Variants in DNAH17 observed in about 807,000 individuals in gnomAD.
DNAH17 encodes the protein dynein axonemal heavy chain 17, also known as axonemal beta dynein heavy chain 17.
A neutral mutation model predicts 485.6 loss-of-function variants in DNAH17; 376 were observed. The ratio of observed to expected loss-of-function variants is 0.77; its 90% CI spans 0.71 to 0.84. The LOEUF (loss-of-function observed/expected upper bound fraction) is 0.84, where lower values mean the gene tolerates loss of function less well. Ranked by LOEUF, DNAH17 falls within the 40% of genes least tolerant of loss-of-function variation. The pLI, the probability that DNAH17 is intolerant of heterozygous loss-of-function variation, is 0.00. For missense variants in DNAH17, 6,370 were observed against 5,839.3 expected (o/e 1.09, Z -2.96); for synonymous variants, 3,031 against 2,405.9 (o/e 1.26, Z -7.60).
chr17:78,439,930 A>G (rs996076824), intron 72 of DNAH17, among the ~76,000 whole-genome samples: 2 of 151,884 alleles, frequency 1.3e-5, no homozygotes, highest in African/African-American at 4.8e-5. Flanking sequence ...TTGGCCTCCC[A>G]AAGTGCTGGG....
At chr17:78,491,765 C>G (rs1009478070) in intron 42 of DNAH17, among the ~76,000 whole-genome samples, 195 bp from the exon 43 acceptor site, 1 of 152,188 alleles carries the variant, frequency 6.6e-6, no homozygotes, top group Non-Finnish European at 1.5e-5. Context: ...CGTGCCCTCT[C>G]CATGCCTGAG....
Position 78,544,119 on chromosome 17 carries a change from A to C in DNAH17, c.2392-122T>G, listed in dbSNP as rs1040114218. On this transcript the variant is annotated intron_variant, in intron 16 of 80. Transcript: ENST00000389840. The stretch of plus-strand genomic sequence containing the variant: ...GCTGCCTGATCTTGGATTGGAGTCT[A>C]GTTCTCCACGATCCATGCCCATCAG... 5.8e-6 allele frequency: 8 copies of C among 1,385,862 alleles called. No homozygotes were observed. In the Admixed American group the frequency reaches 1.6e-4, roughly 28 times the overall value. The allele number at this position is 1,385,862 out of a possible 1,614,324, so 85.8% of individuals were successfully genotyped here.
intron 16 of DNAH17, among the ~76,000 whole-genome samples, chr17:78,549,464 ACTT>A (rs2091851093): frequency 6.6e-6 from 1 of 152,180 alleles, no homozygotes; most frequent in South Asian, 2.1e-4. Flanking sequence ...GCAGAGGTGA[ACTT>A]CTTCAAAACT....
chr17:78,449,184 C>T (rs747134127), intron 69 of DNAH17, among the ~76,000 whole-genome samples: 21 of 152,178 alleles, frequency 1.4e-4, no homozygotes, highest in Non-Finnish European at 2.1e-4. Context: ...TTCACTAGCT[C>T]CCATTGGAAT....
intron 37 of DNAH17, among the ~76,000 whole-genome samples, 156 bp from the exon 38 acceptor site, chr17:78,496,188 G>A (rs552050039): frequency 1.4e-4 from 21 of 152,164 alleles, no homozygotes; most frequent in South Asian, 4.1e-4. Context: ...TTATTTTTGA[G>A]AAAGTTGTAG....
rs940524953 is a variant in DNAH17, at chr17:78,441,209, G to A, written c.11529-10C>T. On this transcript the variant is annotated splice_polypyrimidine_tract_variant and intron_variant, in intron 71 of 80. Transcript: ENST00000389840. ...TTCCTCCACGAAGTTCCTAGGGGTG[G>A]AGTGCATCAGAGGCAGCGGAACCTG... The A allele has an allele frequency of 1.9e-6, 3 of 1,613,512 alleles. No individual in the cohort carries two copies. Among genetic ancestry groups the A allele is most frequent in the Non-Finnish European group, 2.5e-6 (3 of 1,179,736 alleles).
chr17:78,466,588 C>G, intron 56 of DNAH17, 67 bp downstream of exon 56: 1 of 1,449,752 alleles, frequency 6.9e-7, no homozygotes, highest in African/African-American at 1.5e-5. Flanking sequence ...TCCCAGGGAG[C>G]CAGCCCTTGG....
Position 78,428,554 on chromosome 17 carries a change from C to G in DNAH17, c.12559G>C (p.Ala4187Pro). ...TCCTCGCGGGACACTCCCGTGCCTGCCCCCGAGTCCGTCTCTTTTGGCTGC... is the reference window on the plus strand; with the variant it reads ...TCCTCGCGGGACACTCCCGTGCCTGGCCCCGAGTCCGTCTCTTTTGGCTGC... ...EMQPKETDSG[A>P]GTGVSREEKV... The change falls in exon 77 of 81, where the codon GCA becomes CCA. Residue 4187 changes from alanine to proline, a missense_variant. Transcript: ENST00000389840. 18 of 1,612,020 alleles carry G rather than the reference C, an allele frequency of 1.1e-5. No homozygotes were observed. Among genetic ancestry groups the G allele is most frequent in the Non-Finnish European group, 1.4e-5 (16 of 1,179,080 alleles).
Position 78,475,682 on chromosome 17 carries a change from G to T in DNAH17, c.8306C>A (p.Ala2769Glu), listed in dbSNP as rs887312416. The T allele has an allele frequency of 1.2e-6, 2 of 1,613,614 alleles. No individual in the cohort carries two copies. The highest frequency in any genetic ancestry group is 1.7e-6 in the Non-Finnish European group (2 of 1,179,822). Reference sequence around the variant, plus strand: ...CAGCCTGCTCACCAAATTCATGACTGCATTAACTTCATTGTAGCTGTCCAG... The same window carrying T: ...CAGCCTGCTCACCAAATTCATGACTTCATTAACTTCATTGTAGCTGTCCAG... ...DVLDSYNEVN[A>E]VMNLVLFEDA... Residue 2769 changes from alanine (A) to glutamate (E), a missense_variant, in exon 53 of 81, where the codon GCA (alanine) becomes GAA (glutamate). By Grantham distance (107) the Ala-to-Glu change is moderately radical. Coordinates refer to ENST00000389840, the MANE Select transcript of DNAH17 (RefSeq NM_173628.4).
intron 11 of DNAH17, among the ~76,000 whole-genome samples, chr17:78,563,444 T>C (rs541246900): frequency 1.3e-4 from 20 of 152,078 alleles, no homozygotes; most frequent in African/African-American, 4.1e-4. Context: ...TATCCTGTAA[T>C]GCGGGTAGAT....
rs371616763 is a variant in DNAH17 at position 78,564,367 on chromosome 17, T to C, written c.1569+2247A>G. Among the ~76,000 whole-genome samples the C allele has an allele frequency of 5.8e-3, 819 of 142,400 alleles. 8 individuals carry two copies. The highest frequency in any genetic ancestry group is 0.025 in the African/African-American group (794 of 32,348). The allele number at this position is 142,400 out of a possible 152,430, so 93.4% of individuals were successfully genotyped here. ...CTGGCCGGGTGACCAAGTTACTTAA[T>C]TTTTCAGATTTTTCCACATCGGAAC... On this transcript the variant is annotated intron_variant, in intron 11 of 80. Coordinates refer to ENST00000389840, the MANE Select transcript of DNAH17 (RefSeq NM_173628.4).
In DNAH17 at chr17:78,426,554, A is replaced by G. The variant is rs138918221; in HGVS notation, c.12818T>C (p.Leu4273Pro). ...CGTATCAGGCACGGTGTCATAGAAGAGAGCCGTGGACAGATCTTCCACGTC... is the reference window on the plus strand; with the variant it reads ...CGTATCAGGCACGGTGTCATAGAAGGGAGCCGTGGACAGATCTTCCACGTC... The part of the protein sequence containing the change: ...TTDVEDLSTA[L>P]FYDTVPDTWV... Residue 4273 changes from leucine to proline, a missense_variant, in exon 79 of 81, where the codon CTC (leucine) becomes CCC (proline). Leu to Pro is a moderately conservative substitution (Grantham distance 98, BLOSUM62 -3). Transcript: ENST00000389840. The G allele has an allele frequency of 6.2e-7, 1 of 1,613,622 alleles. No individual in the cohort carries two copies. The highest frequency in any genetic ancestry group is 8.5e-7 in the Non-Finnish European group (1 of 1,179,690).
chr17:78,543,587 G>A (rs949877209), intron 17 of DNAH17, among the ~76,000 whole-genome samples: 7 of 152,158 alleles, frequency 4.6e-5, no homozygotes, highest in East Asian at 1.9e-4. Context: ...ACCGCGCCCG[G>A]CCAATTTTTG....
chr17:78,475,070 C>G (rs951457755), intron 54 of DNAH17, among the ~76,000 whole-genome samples: 2 of 151,762 alleles, frequency 1.3e-5, no homozygotes, highest in Non-Finnish European at 2.9e-5. Context: ...GAAGGTTTCA[C>G]ACTCTTCACC....
rs772271189 is a variant in DNAH17, at chr17:78,570,236, G to A, written c.1044+11C>T. 7 of 1,574,252 alleles carry A rather than the reference G, an allele frequency of 4.4e-6. No homozygotes were observed. In the South Asian group the frequency reaches 8.2e-5, roughly 18 times the overall value. On this transcript the variant is annotated intron_variant, in intron 7 of 80. Transcript: ENST00000389840. ...GGGAGGAAGGGGACCCAGGGGCCAG[G>A]GGAGGGTTACCATCTCGATGATTTG...
intron 58 of DNAH17, among the ~76,000 whole-genome samples, chr17:78,461,141 C>T (rs561541083): frequency 3.9e-5 from 6 of 152,124 alleles, no homozygotes; most frequent in Admixed American, 2.0e-4. Flanking sequence ...CGGAGCCGCA[C>T]GTCTGAGGAC....
In DNAH17 at chr17:78,571,745, T is replaced by C. The variant is rs367933143; in HGVS notation, c.577A>G (p.Ile193Val). The change falls in exon 4 of 81, where the codon ATT (isoleucine) becomes GTT (valine). Residue 193 changes from isoleucine (I) to valine (V), a missense_variant. Physicochemically the swap from Ile to Val is conservative, Grantham distance 29. Coordinates refer to ENST00000389840, the MANE Select transcript of DNAH17 (RefSeq NM_173628.4). ...GACCAGTCGATGATGGTGGTTTCAATGGCGTGCAGGAGCAAGTTGTCCAGT... is the reference window on the plus strand; with the variant it reads ...GACCAGTCGATGATGGTGGTTTCAACGGCGTGCAGGAGCAAGTTGTCCAGT... ...SSLDNLLLHAIETTIIDWSHQ... is the reference protein window; with the variant it reads ...SSLDNLLLHAVETTIIDWSHQ... The C allele has an allele frequency of 6.2e-7, 1 of 1,608,498 alleles. No individual in the cohort carries two copies. The highest frequency in any genetic ancestry group is 1.3e-5 in the African/African-American group (1 of 74,864).
At chr17:78,446,236 G>A (rs1478038056) in intron 69 of DNAH17, among the ~76,000 whole-genome samples, 3 of 145,740 alleles carry the variant, frequency 2.1e-5, no homozygotes, top group Admixed American at 1.4e-4. Flanking sequence ...GCAATTCAGT[G>A]GCATTTCACA....
At chr17:78,520,889 T>C (rs865973662) in intron 25 of DNAH17, among the ~76,000 whole-genome samples, 4 of 152,156 alleles carry the variant, frequency 2.6e-5, no homozygotes, top group Admixed American at 1.3e-4. Context: ...CTAAAATTTA[T>C]ATGGAAAAGT....
Sources: allele counts gnomAD v4.1 joint callset (sites outside exome capture counted in the v4.1 genomes callset), GRCh38; gene constraint gnomAD v4.1.1; transcripts MANE v1.5; gene names NCBI Gene and HGNC (gene_info 2026-07-23, HGNC 2026-07-21).